Variants in NEK11 observed in about 807,000 individuals in gnomAD.
NEK11 encodes the protein serine/threonine-protein kinase Nek11.
A neutral mutation model predicts 80.7 loss-of-function variants in NEK11; 72 were observed. That is an observed-to-expected ratio of 0.89 (90% CI 0.74 to 1.08). NEK11 has a LOEUF of 1.08. Among genes scored for constraint, NEK11 ranks in the 50% least tolerant of loss-of-function variants. The probability of loss-of-function intolerance (pLI) is 0.00; values close to 1 mark genes in which losing one functional copy is unlikely to be tolerated. For synonymous variants in NEK11, 251 were observed against 260.7 expected, an observed-to-expected ratio of 0.96 and a Z score of 0.36; for missense variants, 764 against 763.6, an observed-to-expected ratio of 1.00 and a Z score of -0.01.
intron 3 of NEK11, among the ~76,000 whole-genome samples, chr3:131,033,941 T>C (rs2065248123): frequency 6.6e-6 from 1 of 152,198 alleles, no homozygotes; most frequent in African/African-American, 2.4e-5. Flanking sequence ...TTATTATGCA[T>C]CATGAAATTC....
Position 131,349,859 on chromosome 3 carries a change from G to T in NEK11, c.*83G>T. 1 of 1,029,004 alleles carries T rather than the reference G, an allele frequency of 9.7e-7. No individual in the cohort carries two copies. The allele number at this position is 1,029,004 out of a possible 1,614,324, so 63.7% of individuals were successfully genotyped here. ...AACATATAAGCTGAACTCTATTATG[G>T]GGAATGGATACAAAAGCAGAGCTCC... On this transcript the variant is annotated 3_prime_UTR_variant, in exon 18 of 18. Transcript: ENST00000383366.
At chr3:131,282,209 T>A (rs1308159599) in intron 17 of NEK11, among the ~76,000 whole-genome samples, 1 of 152,116 alleles carries the variant, frequency 6.6e-6, no homozygotes, top group Non-Finnish European at 1.5e-5. Flanking sequence ...GGAATCACCT[T>A]TCCAGGGCTG....
intron 15 of NEK11, among the ~76,000 whole-genome samples, chr3:131,238,840 G>T (rs917010915): frequency 1.3e-5 from 2 of 152,044 alleles, no homozygotes; most frequent in Admixed American, 6.6e-5. Context: ...CATATACACA[G>T]GTGTATACAT....
chr3:131,107,258 A>T (rs922122482), intron 4 of NEK11, among the ~76,000 whole-genome samples: 2 of 152,034 alleles, frequency 1.3e-5, no homozygotes, highest in Admixed American at 1.3e-4. Context: ...TGGGACCATA[A>T]TTTTTGTACA....
At chr3:131,143,803 A>T (rs1392908506) in intron 7 of NEK11, among the ~76,000 whole-genome samples, 1 of 152,108 alleles carries the variant, frequency 6.6e-6, no homozygotes, top group Non-Finnish European at 1.5e-5. Context: ...GACTGAATTT[A>T]GGTTAATACT....
At chr3:131,280,516 G>A (rs1251831382) in intron 17 of NEK11, among the ~76,000 whole-genome samples, 5 of 152,052 alleles carry the variant, frequency 3.3e-5, no homozygotes, top group Admixed American at 1.3e-4. Context: ...GACATTATAA[G>A]CAGTTTGAGA....
rs552620873 is a variant in NEK11, at chr3:131,308,584, C to T, written c.1718+35010C>T. Among the ~76,000 whole-genome samples the T allele has an allele frequency of 1.9e-3, 290 of 152,322 alleles. 1 individual carries two copies. Among genetic ancestry groups the T allele is most frequent in the Non-Finnish European group, 3.4e-3 (228 of 68,026 alleles). ...CTTCTCCCATCTGGTCTACATTTTT[C>T]TCTTCCTTATATGGTACACATTTTG... On this transcript the variant is annotated intron_variant, in intron 17 of 17. Transcript: ENST00000383366.
chr3:131,138,341 A>C (rs568376121), intron 7 of NEK11, among the ~76,000 whole-genome samples: 1 of 152,196 alleles, frequency 6.6e-6, no homozygotes, highest in South Asian at 2.1e-4. Context: ...GAAGGGGAGG[A>C]AAGAGTGGGA....
intron 3 of NEK11, among the ~76,000 whole-genome samples, chr3:131,071,180 G>A (rs779227584): frequency 2.0e-5 from 3 of 151,910 alleles, no homozygotes; most frequent in Non-Finnish European, 2.9e-5. Context: ...CAGCTCCCAC[G>A]GGTAATTCAG....
chr3:131,034,599 C>G (rs2065357948), intron 3 of NEK11, among the ~76,000 whole-genome samples: 2 of 152,146 alleles, frequency 1.3e-5, no homozygotes, highest in South Asian at 4.1e-4. Flanking sequence ...TGGGGTTTCA[C>G]CGTGGTCTCG....
In NEK11 at chr3:131,208,374, T is replaced by G. The variant is rs369449177; in HGVS notation, c.1400-20154T>G. Among the ~76,000 whole-genome samples the G allele has an allele frequency of 1.4e-4, 22 of 152,250 alleles. No homozygotes were observed. The South Asian group carries it at 1.9e-3, about 13-fold the overall frequency. On this transcript the variant is annotated intron_variant, in intron 14 of 17. Transcript: ENST00000383366. ...CTGTTTTGGTTACTGTAGCCTTGTA[T>G]TATAGTTTGAAATCTGGTAGCATGA...
At chr3:131,264,469 A>T (rs2096005385) in intron 16 of NEK11, among the ~76,000 whole-genome samples, 1 of 152,178 alleles carries the variant, frequency 6.6e-6, no homozygotes, top group African/African-American at 2.4e-5. Flanking sequence ...TTAAATAGGG[A>T]ATCCTTTCCC....
chr3:131,097,463 A>G (rs1479955235), intron 4 of NEK11, among the ~76,000 whole-genome samples: 2 of 151,970 alleles, frequency 1.3e-5, no homozygotes, highest in East Asian at 1.9e-4. Flanking sequence ...TGTGGTTTTG[A>G]TTTGCATTTC....
chr3:131,231,142 T>C (rs1026031481), intron 15 of NEK11, among the ~76,000 whole-genome samples: 6 of 152,022 alleles, frequency 3.9e-5, no homozygotes, highest in Non-Finnish European at 8.8e-5. Context: ...GCCTCTCACA[T>C]ACATGGTGGT....
intron 3 of NEK11, among the ~76,000 whole-genome samples, chr3:131,052,913 T>G (rs148119852): frequency 6.6e-6 from 1 of 152,312 alleles, no homozygotes; most frequent in Admixed American, 6.5e-5. Flanking sequence ...TGAAGAACTC[T>G]TCAGATCCTT....
intron 3 of NEK11, among the ~76,000 whole-genome samples, chr3:131,033,758 T>G (rs1161726075): frequency 6.6e-6 from 1 of 152,218 alleles, no homozygotes; most frequent in Admixed American, 6.5e-5. Flanking sequence ...ATTCACTTTC[T>G]GAATTAGCTG....
At chr3:131,104,753 G>C (rs1000007974) in intron 4 of NEK11, among the ~76,000 whole-genome samples, 3 of 152,166 alleles carry the variant, frequency 2.0e-5, no homozygotes, top group Non-Finnish European at 2.9e-5. Context: ...AAGGCTCATG[G>C]AGCTCAATGT....
intron 4 of NEK11, among the ~76,000 whole-genome samples, chr3:131,086,669 G>A (rs2076018688): frequency 6.6e-6 from 1 of 152,184 alleles, no homozygotes; most frequent in African/African-American, 2.4e-5. Flanking sequence ...AGAAAGTGGA[G>A]TGATTTTCTG....
intron 3 of NEK11, 51 bp from the exon 4 acceptor site, chr3:131,080,365 ATATTTGT>A (rs2149027662): frequency 1.5e-6 from 2 of 1,290,586 alleles, no homozygotes; most frequent in East Asian, 4.8e-5. Context: ...CCACTTGATG[ATATTTGT>A]TAAATGTGTT....
Sources: gnomAD v4.1 joint callset for allele counts (sites outside exome capture counted in the v4.1 genomes callset) on GRCh38, gnomAD v4.1.1 for gene constraint, MANE v1.5 for transcripts, NCBI Gene and HGNC (gene_info 2026-07-23, HGNC 2026-07-21) for gene names.